MACC1: variants seen among roughly 807,000 people sequenced by gnomAD.
MACC1 encodes the protein metastasis-associated in colon cancer protein 1.
In MACC1, 79 loss-of-function variants were observed where a neutral mutation model predicts 70.7. The observed-to-expected ratio is 1.12, with a 90% CI of 0.93 to 1.35. MACC1 has a LOEUF of 1.35. Ranked by LOEUF, MACC1 falls within the 40% of genes most tolerant of loss-of-function variation. MACC1 has a pLI of 0.00. For synonymous variants in MACC1, 361 were observed against 347.2 expected, an observed-to-expected ratio of 1.04 and a Z score of -0.44; for missense variants, 1,106 against 978.1, an observed-to-expected ratio of 1.13 and a Z score of -1.74.
At chr7:20,194,012 G>A (rs1465010177) in intron 1 of MACC1, among the ~76,000 whole-genome samples, 1 of 152,178 alleles carries the variant, frequency 6.6e-6, no homozygotes, top group African/African-American at 2.4e-5. Flanking sequence ...GGTAAGGTTT[G>A]TGGCCAGCGG....
rs149789243 is a variant in MACC1, at chr7:20,194,088, G to A, written c.-218+23211C>T. Among the ~76,000 whole-genome samples the A allele has an allele frequency of 7.1e-3, 1,081 of 152,076 alleles. 24 individuals are homozygous for A. Among genetic ancestry groups the A allele is most frequent in the Admixed American group, 0.037 (573 of 15,284 alleles). On this transcript the variant is annotated intron_variant, in intron 1 of 6. Transcript: ENST00000400331. ...CATGTCTCCATCTGTAAAATGAGGG[G>A]GTTTCCACCACAGAACTACCCACAT...
chr7:20,165,537 G>GA (rs11415040), intron 2 of MACC1, among the ~76,000 whole-genome samples: 91,491 of 148,960 alleles, frequency 0.61, 28,804 homozygotes, highest in East Asian at 0.86. Flanking sequence ...TGGTATAGGG[G>GA]AAAAAAAAAA....
chr7:20,140,836 CACAGACACACACACACAG>C lies in MACC1; in HGVS notation c.*92_*109del. 1 of 735,264 alleles carries C rather than the reference CACAGACACACACACACAG, an allele frequency of 1.4e-6. No individual in the cohort carries two copies. Among genetic ancestry groups the C allele is most frequent in the Non-Finnish European group, 2.2e-6 (1 of 445,788 alleles). The allele number at this position is 735,264 out of a possible 1,614,324, so 45.5% of individuals were successfully genotyped here. Reference sequence around the variant, plus strand: ...ACACACACACACACAGACACACACACACAGACACACACACACAGACACACAGAGACACACACAGACACA... The same window carrying C: ...ACACACACACACACAGACACACACACACACACAGAGACACACACAGACACA... On this transcript the variant is annotated 3_prime_UTR_variant, in exon 7 of 7. Transcript: ENST00000400331.
chr7:20,187,199 A>G (rs1183529982), intron 1 of MACC1, among the ~76,000 whole-genome samples: 1 of 152,192 alleles, frequency 6.6e-6, no homozygotes, highest in Non-Finnish European at 1.5e-5. Context: ...CTAATTTTTA[A>G]TGAGCATACA....
At chr7:20,179,029 C>A (rs992027294) in intron 1 of MACC1, among the ~76,000 whole-genome samples, 1 of 152,056 alleles carries the variant, frequency 6.6e-6, no homozygotes, top group African/African-American at 2.4e-5. Flanking sequence ...ATACTCTTTT[C>A]TTCAGATTTA....
At chr7:20,192,791 G>C (rs1414971138) in intron 1 of MACC1, among the ~76,000 whole-genome samples, 1 of 152,200 alleles carries the variant, frequency 6.6e-6, no homozygotes, top group African/African-American at 2.4e-5. Context: ...ATTAAGTTGT[G>C]CTACACTTGC....
At chr7:20,152,097 G>C (rs1381903380) in intron 6 of MACC1, among the ~76,000 whole-genome samples, 1 of 152,178 alleles carries the variant, frequency 6.6e-6, no homozygotes, top group African/African-American at 2.4e-5. Flanking sequence ...GTCAGTGCCA[G>C]ATAACTCTCC....
intron 5 of MACC1, among the ~76,000 whole-genome samples, chr7:20,156,330 C>G (rs866247167): frequency 6.6e-6 from 1 of 152,140 alleles, no homozygotes; most frequent in Admixed American, 6.5e-5. Context: ...GGAAGCTCCC[C>G]GCTTGAATGG....
At chr7:20,207,685 G>A (rs1315285808) in intron 1 of MACC1, among the ~76,000 whole-genome samples, 1 of 151,974 alleles carries the variant, frequency 6.6e-6, no homozygotes, top group African/African-American at 2.4e-5. Context: ...TTTAAATTAT[G>A]ACATAAAATG....
At chr7:20,160,343 T>TA (rs1198296304) in intron 4 of MACC1, 98 bp from the exon 5 acceptor site, 2 of 1,387,904 alleles carry the variant, frequency 1.4e-6, no homozygotes, top group African/African-American at 2.9e-5. Flanking sequence ...ATTCAGGACT[T>TA]ACTTTTCATT....
At chr7:20,189,976 G>A (rs886427769) in intron 1 of MACC1, among the ~76,000 whole-genome samples, 2 of 152,060 alleles carry the variant, frequency 1.3e-5, no homozygotes, top group Admixed American at 1.3e-4. Context: ...TTGTCTTCTT[G>A]CTATGTTTTC....
chr7:20,163,142 T>C (rs1399638267), intron 3 of MACC1, among the ~76,000 whole-genome samples: 1 of 152,054 alleles, frequency 6.6e-6, no homozygotes, highest in Admixed American at 6.6e-5. Context: ...TCTCAAAAAA[T>C]GGAAACACAA....
Position 20,160,078 on chromosome 7 carries a change from T to C in MACC1, c.283A>G (p.Ile95Val), listed in dbSNP as rs544445747. The part of the protein sequence containing the change: ...RNNRKRNNIS[I>V]LKEDPFLFCR... Reference sequence around the variant, plus strand: ...AAAAGAAAAGGATCTTCCTTTAAGATGGAAATATTATTTCTCTTCCTGTTA... The same window carrying C: ...AAAAGAAAAGGATCTTCCTTTAAGACGGAAATATTATTTCTCTTCCTGTTA... The change falls in exon 5 of 7, where the codon ATC becomes GTC. Residue 95 changes from isoleucine to valine, a missense_variant. Ile to Val is a conservative substitution (Grantham distance 29). Coordinates refer to ENST00000400331, the MANE Select transcript of MACC1 (RefSeq NM_182762.4). 1.6e-5 allele frequency: 26 copies of C among 1,611,242 alleles called. No homozygotes were observed. In the African/African-American group the frequency reaches 2.4e-4, roughly 15 times the overall value.
chr7:20,190,615 C>G (rs948555987), intron 1 of MACC1, among the ~76,000 whole-genome samples: 3 of 152,150 alleles, frequency 2.0e-5, no homozygotes, highest in African/African-American at 7.2e-5. Context: ...CATAAAAATT[C>G]TGGAGCAGTT....
At chr7:20,147,142 A>C (rs1459947312) in intron 6 of MACC1, among the ~76,000 whole-genome samples, 2 of 152,230 alleles carry the variant, frequency 1.3e-5, no homozygotes, top group Non-Finnish European at 2.9e-5. Context: ...AATAAGTGGG[A>C]TGCCAAAAGA....
chr7:20,207,028 A>T (rs1782922935), intron 1 of MACC1, among the ~76,000 whole-genome samples: 1 of 152,192 alleles, frequency 6.6e-6, no homozygotes, highest in South Asian at 2.1e-4. Context: ...GATTTTTGTG[A>T]TAAATCTGAC....
intron 1 of MACC1, among the ~76,000 whole-genome samples, chr7:20,186,430 G>T (rs1362618350): frequency 6.6e-6 from 1 of 151,968 alleles, no homozygotes; most frequent in Non-Finnish European, 1.5e-5. Flanking sequence ...ATAAGGCTTT[G>T]TGAATGTATG....
chr7:20,206,972 T>A (rs1782922327), intron 1 of MACC1, among the ~76,000 whole-genome samples: 1 of 152,204 alleles, frequency 6.6e-6, no homozygotes, highest in Non-Finnish European at 1.5e-5. Flanking sequence ...CACGTTCCAT[T>A]AGTAATTTGA....
intron 1 of MACC1, among the ~76,000 whole-genome samples, chr7:20,205,332 C>A (rs1313004613): frequency 1.3e-5 from 2 of 152,146 alleles, no homozygotes; most frequent in African/African-American, 4.8e-5. Context: ...ATTAATAAAT[C>A]ACAGTATTAC....
Sources: gnomAD v4.1 joint callset for allele counts (sites outside exome capture counted in the v4.1 genomes callset) on GRCh38, gnomAD v4.1.1 for gene constraint, MANE v1.5 for transcripts, NCBI Gene and HGNC (gene_info 2026-07-23, HGNC 2026-07-21) for gene names.